DNMBP: variants seen among roughly 807,000 people sequenced by gnomAD.
DNMBP encodes the protein dynamin-binding protein.
Under a neutral mutation model 150.0 loss-of-function variants are expected in DNMBP, and 87 were observed. The observed-to-expected ratio is 0.58, with a 90% CI of 0.49 to 0.69. The LOEUF is 0.69. Ranked by LOEUF, DNMBP falls within the 30% of genes least tolerant of loss-of-function variation. The pLI, the probability that DNMBP is intolerant of heterozygous loss-of-function variation, is 0.00. For missense variants in DNMBP, 1,774 were observed against 1,949.0 expected, an observed-to-expected ratio of 0.91 and a Z score of 1.69; for synonymous variants, 711 against 750.4, an observed-to-expected ratio of 0.95 and a Z score of 0.86.
chr10:99,890,899 G>C (rs563516247), intron 11 of DNMBP, among the ~76,000 whole-genome samples: 4 of 152,034 alleles, frequency 2.6e-5, no homozygotes, highest in Admixed American at 2.6e-4. Flanking sequence ...TGCCCACCTC[G>C]GCCTCCCAAA....
rs141780231 is a variant in DNMBP, at chr10:99,883,489, C to T, written c.3997+522G>A. 3.9e-3 allele frequency among the ~76,000 whole-genome samples: 587 copies of T among 151,714 alleles called. 8 individuals carry two copies. The highest frequency in any genetic ancestry group is 3.4e-3 in the Middle Eastern group (1 of 294). Reference sequence around the variant, plus strand: ...GACCAGCCTGGACAACATGGCAAGACGTAATATCTATAAAATTATTAAAAA... The same window carrying T: ...GACCAGCCTGGACAACATGGCAAGATGTAATATCTATAAAATTATTAAAAA... On this transcript the variant is annotated intron_variant, in intron 15 of 16. Transcript: ENST00000324109.
chr10:99,877,094 GAACCC>G lies in DNMBP; in HGVS notation c.*52_*56del. On this transcript the variant is annotated 3_prime_UTR_variant, in exon 17 of 17. Transcript: ENST00000324109. ...CAGGCGCCCTCTCGGTGGGCCGCCA[GAACCC>G]TCGGCGGACTGAAAGCAAAGGCAGC... The G allele has an allele frequency of 7.1e-7, 1 of 1,415,738 alleles. No homozygotes were observed. Among genetic ancestry groups the G allele is most frequent in the East Asian group, 2.6e-5 (1 of 38,818 alleles). The allele number at this position is 1,415,738 out of a possible 1,614,324, so 87.7% of individuals were successfully genotyped here. A position where few individuals can be genotyped will look rare whatever the true frequency, so the allele number is the denominator to read the frequency against.
At chr10:99,943,848 A>G (rs1324780268) in intron 4 of DNMBP, among the ~76,000 whole-genome samples, 3 of 152,244 alleles carry the variant, frequency 2.0e-5, no homozygotes, top group Admixed American at 6.5e-5. Context: ...TTATTGTTCC[A>G]TATCAGTCAT....
chr10:99,917,563 A>G (rs539455318), intron 4 of DNMBP, among the ~76,000 whole-genome samples: 1 of 151,886 alleles, frequency 6.6e-6, no homozygotes, highest in East Asian at 1.9e-4. Context: ...CTGTAAAACG[A>G]GAATGTTCTA....
chr10:99,983,965 C>T (rs766721742), intron 1 of DNMBP, among the ~76,000 whole-genome samples: 115 of 152,266 alleles, frequency 7.6e-4, no homozygotes, highest in Non-Finnish European at 1.2e-3. Flanking sequence ...TCTAAACCAC[C>T]CGAACACTTC....
At position 99,988,401 on chromosome 10, in the gene DNMBP, A is replaced by G. The variant is rs985462549; in HGVS notation, c.-10-16267T>C. Among the ~76,000 whole-genome samples, 6 of 152,318 alleles carry G rather than the reference A, an allele frequency of 3.9e-5. 1 individual carries two copies. Among genetic ancestry groups the G allele is most frequent in the African/African-American group, 4.8e-5 (2 of 41,574 alleles). ...TGTTCGTGCCTGGCCCACTGGGTAC[A>G]GGAAAGGAAGAAGGGCTCCAATGAT... On this transcript the variant is annotated intron_variant, in intron 1 of 16. Transcript: ENST00000324109.
At chr10:99,995,740 A>G (rs2040944566) in intron 1 of DNMBP, among the ~76,000 whole-genome samples, 1 of 119,510 alleles carries the variant, frequency 8.4e-6, no homozygotes, top group Non-Finnish European at 1.8e-5. Context: ...CTATTCTATA[A>G]GAATGTGACA....
intron 4 of DNMBP, among the ~76,000 whole-genome samples, chr10:99,929,341 A>T (rs2040119237): frequency 6.6e-6 from 1 of 152,180 alleles, no homozygotes; most frequent in Non-Finnish European, 1.5e-5. Context: ...GATTAGAGAC[A>T]TCTGAAAAAA....
At chr10:99,906,043 C>T (rs2039821125) in intron 6 of DNMBP, among the ~76,000 whole-genome samples, 1 of 152,152 alleles carries the variant, frequency 6.6e-6, no homozygotes. Flanking sequence ...TCCAGCTGGA[C>T]CTATCTTGTG....
intron 12 of DNMBP, among the ~76,000 whole-genome samples, chr10:99,887,355 C>T (rs1017094946): frequency 3.9e-5 from 6 of 152,040 alleles, no homozygotes; most frequent in African/African-American, 9.7e-5. Context: ...GGCAAAACCC[C>T]GTCTCTACTA....
At chr10:99,951,262 C>G (rs996404698) in intron 4 of DNMBP, among the ~76,000 whole-genome samples, 34 of 152,224 alleles carry the variant, frequency 2.2e-4, no homozygotes, top group African/African-American at 7.7e-4. Context: ...GATGTCCAGG[C>G]AGAAGTTTGC....
rs534188078 is a variant in DNMBP at position 99,991,632 on chromosome 10, A to G, written c.-11+18206T>C. Reference sequence around the variant, plus strand: ...ATGAAGACCTTGAAAACATTGTGCTAAGAAGCCAATCACAAAAGACCCCAT... The same window carrying G: ...ATGAAGACCTTGAAAACATTGTGCTGAGAAGCCAATCACAAAAGACCCCAT... On this transcript the variant is annotated intron_variant, in intron 1 of 16. Transcript: ENST00000324109. Among the ~76,000 whole-genome samples the G allele has an allele frequency of 2.4e-4, 36 of 151,900 alleles. 1 individual carries two copies. The South Asian group carries it at 6.5e-3, about 27-fold the overall frequency.
chr10:99,976,785 T>TA (rs112087041), intron 1 of DNMBP, among the ~76,000 whole-genome samples: 2,931 of 146,444 alleles, frequency 0.02, 71 homozygotes, highest in African/African-American at 0.065. Flanking sequence ...AGTATTTTCT[T>TA]AAAAAAAAAA....
chr10:99,915,094 C>CAAAAAA lies in DNMBP; in HGVS notation c.2261-5954_2261-5949dup, dbSNP rs1290992306. Among the ~76,000 whole-genome samples, 488 of 81,494 alleles carry CAAAAAA rather than the reference C, an allele frequency of 6.0e-3. 5 individuals carry two copies. The highest frequency in any genetic ancestry group is 0.01 in the Middle Eastern group (1 of 96). 53.5% of individuals were successfully genotyped at this position (81,494 alleles called of 152,430 possible). A position where few individuals can be genotyped will look rare whatever the true frequency, so the allele number is the denominator to read the frequency against. On this transcript the variant is annotated intron_variant, in intron 4 of 16. Transcript: ENST00000324109. ...GGGCAACAAGTGTGAAACTCTGTCTCAAAAAAAAAAAAAAATATATATATA... is the reference window on the plus strand; with the variant it reads ...GGGCAACAAGTGTGAAACTCTGTCTCAAAAAAAAAAAAAAAAAAAAATATATATATA...
At chr10:99,944,629 C>T (rs149987305) in intron 4 of DNMBP, among the ~76,000 whole-genome samples, 1 of 152,316 alleles carries the variant, frequency 6.6e-6, no homozygotes, top group Non-Finnish European at 1.5e-5. Flanking sequence ...TAGCACAGTG[C>T]CTGGCACATG....
Position 99,894,563 on chromosome 10 carries a change from G to A in DNMBP, c.3156+383C>T, listed in dbSNP as rs867058758. 3.3e-5 allele frequency among the ~76,000 whole-genome samples: 5 copies of A among 152,108 alleles called. No homozygotes were observed. The East Asian group carries it at 5.8e-4, about 18-fold the overall frequency. ...ACCACATAGGAACATTCTCTTACTCGTATTCACTGCTTGTTCTTTCTCGTT... is the reference window on the plus strand; with the variant it reads ...ACCACATAGGAACATTCTCTTACTCATATTCACTGCTTGTTCTTTCTCGTT... On this transcript the variant is annotated intron_variant, in intron 11 of 16. Transcript: ENST00000324109.
At chr10:99,894,101 T>C (rs994111305) in intron 11 of DNMBP, among the ~76,000 whole-genome samples, 11 of 152,064 alleles carry the variant, frequency 7.2e-5, no homozygotes, top group African/African-American at 2.2e-4. Flanking sequence ...CTGGGCAACA[T>C]AGTAAGACCT....
At position 99,908,875 on chromosome 10, in the gene DNMBP, G is replaced by A. The variant is rs139300036; in HGVS notation, c.2454+78C>T. 9.3e-5 allele frequency: 123 copies of A among 1,329,044 alleles called. No individual in the cohort carries two copies. In the African/African-American group the frequency reaches 1.3e-3, roughly 14 times the overall value. The allele number at this position is 1,329,044 out of a possible 1,614,324, so 82.3% of individuals were successfully genotyped here. On this transcript the variant is annotated intron_variant, in intron 5 of 16. Transcript: ENST00000324109. Reference sequence around the variant, plus strand: ...ATTTCAAATCCAATAAATCTGTGGCGAAAGCTCCTATATCCTAATGCTTCT... The same window carrying A: ...ATTTCAAATCCAATAAATCTGTGGCAAAAGCTCCTATATCCTAATGCTTCT...
rs2040481000 is a variant in DNMBP, at chr10:99,955,662, C to T, written c.1812G>A (p.Arg604=). The T allele has an allele frequency of 1.2e-5, 19 of 1,614,206 alleles. No individual in the cohort carries two copies. The highest frequency in any genetic ancestry group is 1.6e-5 in the Non-Finnish European group (19 of 1,180,040). Residue 604 remains arginine (R), a synonymous_variant, in exon 4 of 17, where the codon AGG becomes AGA. Transcript: ENST00000324109. ...KLITEQELPE[R]RKALRPPPPR... ...GTGGCGGTGGCCTTAGGGCCTTTCT[C>T]CTTTCCGGCAGCTCCTGCTCGGTGA...
Sources: allele counts gnomAD v4.1 joint callset (sites outside exome capture counted in the v4.1 genomes callset), GRCh38; gene constraint gnomAD v4.1.1; transcripts MANE v1.5; gene names NCBI Gene and HGNC (gene_info 2026-07-23, HGNC 2026-07-21).